The following UNC5D variants were observed in gnomAD, a reference collection of about 807,000 sequenced individuals.
UNC5D encodes unc-5 netrin receptor D, also known as netrin receptor UNC5D.
Under a neutral mutation model 105.4 loss-of-function variants are expected in UNC5D, and 39 were observed. That is an observed-to-expected ratio of 0.37 (90% CI 0.29 to 0.48). UNC5D has a LOEUF of 0.48. Among genes scored for constraint, UNC5D ranks in the 20% least tolerant of loss-of-function variants. The pLI is 0.98. For synonymous variants in UNC5D, 452 were observed against 450.4 expected, an observed-to-expected ratio of 1.00 and a Z score of -0.04; for missense variants, 991 against 1,202.4, an observed-to-expected ratio of 0.82 and a Z score of 2.60.
intron 1 of UNC5D, among the ~76,000 whole-genome samples, chr8:35,288,693 A>T (rs1249805023): frequency 1.3e-5 from 2 of 152,140 alleles, no homozygotes; most frequent in Admixed American, 6.5e-5. Context: ...ACAAATGTAA[A>T]TTTGGACTTC....
chr8:35,318,182 C>T (rs912534030), intron 1 of UNC5D, among the ~76,000 whole-genome samples: 11 of 151,770 alleles, frequency 7.2e-5, no homozygotes, highest in African/African-American at 2.4e-4. Context: ...TCCAACTCTC[C>T]CTAGGTTGGA....
intron 1 of UNC5D, among the ~76,000 whole-genome samples, chr8:35,303,110 A>T (rs1049421427): frequency 2.6e-5 from 4 of 152,086 alleles, no homozygotes; most frequent in Admixed American, 2.6e-4. Flanking sequence ...ATTATTAATG[A>T]GGTATTTTTC....
chr8:35,791,116 G>GATCTA lies in UNC5D; in HGVS notation c.*553_*554insATCTA. On this transcript the variant is annotated 3_prime_UTR_variant, in exon 17 of 17. Transcript: ENST00000404895. Reference sequence around the variant, plus strand: ...TTTAGAATCTGAGCACATCACACCAGCACCAGCTCCCTGTCTCTTCTAGCC... The same window carrying GATCTA: ...TTTAGAATCTGAGCACATCACACCAGATCTACACCAGCTCCCTGTCTCTTCTAGCC... 2 of 169,402 alleles carry GATCTA rather than the reference G, an allele frequency of 1.2e-5. No homozygotes were observed. Among genetic ancestry groups the GATCTA allele is most frequent in the South Asian group, 1.5e-4 (1 of 6,828 alleles). The allele number at this position is 169,402 out of a possible 1,614,324, so 10.5% of individuals were successfully genotyped here.
chr8:35,595,078 C>G (rs1205612037), intron 3 of UNC5D, among the ~76,000 whole-genome samples: 3 of 152,196 alleles, frequency 2.0e-5, no homozygotes, highest in African/African-American at 7.2e-5. Flanking sequence ...TAGGTAATCT[C>G]ACTCTATTAG....
chr8:35,290,496 G>A (rs1222961199), intron 1 of UNC5D, among the ~76,000 whole-genome samples: 1 of 150,868 alleles, frequency 6.6e-6, no homozygotes. Context: ...GTTGGGGAGG[G>A]AGGGAATGAG....
At chr8:35,280,497 G>A (rs1411533473) in intron 1 of UNC5D, among the ~76,000 whole-genome samples, 1 of 152,166 alleles carries the variant, frequency 6.6e-6, no homozygotes, top group Admixed American at 6.5e-5. Context: ...GAGATTCTGT[G>A]TGGGTATTGT....
At chr8:35,420,002 G>T (rs1349813286) in intron 1 of UNC5D, among the ~76,000 whole-genome samples, 1 of 152,090 alleles carries the variant, frequency 6.6e-6, no homozygotes, top group African/African-American at 2.4e-5. Flanking sequence ...CGGAATGGGG[G>T]AGTGCATGCT....
intron 1 of UNC5D, among the ~76,000 whole-genome samples, chr8:35,460,962 T>A (rs1460608004): frequency 2.0e-5 from 3 of 152,234 alleles, no homozygotes; most frequent in African/African-American, 7.2e-5. Flanking sequence ...TCAGGGCGAT[T>A]CTCCTTATTG....
At chr8:35,422,876 T>G (rs111348361) in intron 1 of UNC5D, among the ~76,000 whole-genome samples, 2 of 152,166 alleles carry the variant, frequency 1.3e-5, no homozygotes, top group African/African-American at 4.8e-5. Context: ...CTAGTCTATG[T>G]GTAGTTACAG....
At chr8:35,320,425 A>G (rs1473998555) in intron 1 of UNC5D, among the ~76,000 whole-genome samples, 1 of 152,122 alleles carries the variant, frequency 6.6e-6, no homozygotes, top group African/African-American at 2.4e-5. Context: ...TATCAGACAT[A>G]AAAAGATGCC....
intron 6 of UNC5D, 69 bp from the exon 7 acceptor site, chr8:35,686,476 T>A: frequency 3.4e-6 from 5 of 1,467,064 alleles, no homozygotes; most frequent in Non-Finnish European, 4.5e-6. Context: ...ACAACAGCAG[T>A]CCTGGGGTGA....
In UNC5D at chr8:35,736,570, A is replaced by G. The variant is rs551907625; in HGVS notation, c.1766+5474A>G. 4.7e-3 allele frequency among the ~76,000 whole-genome samples: 721 copies of G among 152,354 alleles called. 3 individuals are homozygous for G. The highest frequency in any genetic ancestry group is 7.5e-3 in the Non-Finnish European group (510 of 68,040). On this transcript the variant is annotated intron_variant, in intron 11 of 16. Transcript: ENST00000404895. ...GATATATTTCATACCATAATAGGTTAAGCCCCATAAGCAAATCCAGTTCTT... is the reference window on the plus strand; with the variant it reads ...GATATATTTCATACCATAATAGGTTGAGCCCCATAAGCAAATCCAGTTCTT...
At chr8:35,369,889 G>A (rs1802329356) in intron 1 of UNC5D, among the ~76,000 whole-genome samples, 1 of 152,096 alleles carries the variant, frequency 6.6e-6, no homozygotes, top group Non-Finnish European at 1.5e-5. Context: ...AAGCAATGGA[G>A]AATTAAACCC....
At chr8:35,547,629 G>A (rs1013922367) in intron 1 of UNC5D, among the ~76,000 whole-genome samples, 2 of 152,218 alleles carry the variant, frequency 1.3e-5, no homozygotes, top group South Asian at 2.1e-4. Flanking sequence ...AATGAATTGG[G>A]TTTACCATTG....
intron 7 of UNC5D, among the ~76,000 whole-genome samples, chr8:35,692,854 CTT>C (rs1184537327): frequency 6.6e-6 from 1 of 152,180 alleles, no homozygotes; most frequent in East Asian, 1.9e-4. Flanking sequence ...TACACAAAGA[CTT>C]TTTCCTAGAA....
At chr8:35,339,695 C>T (rs184843241) in intron 1 of UNC5D, among the ~76,000 whole-genome samples, 2 of 152,250 alleles carry the variant, frequency 1.3e-5, no homozygotes, top group East Asian at 3.9e-4. Context: ...ATCCAGGTTC[C>T]AATGCTCAGC....
chr8:35,310,764 T>C (rs1308907613), intron 1 of UNC5D, among the ~76,000 whole-genome samples: 1 of 152,192 alleles, frequency 6.6e-6, no homozygotes, highest in Non-Finnish European at 1.5e-5. Context: ...AGGATACTAG[T>C]GCCGGTGGAT....
At chr8:35,358,720 G>T (rs1000524372) in intron 1 of UNC5D, among the ~76,000 whole-genome samples, 1 of 152,082 alleles carries the variant, frequency 6.6e-6, no homozygotes, top group Non-Finnish European at 1.5e-5. Flanking sequence ...CTCCTTCAAG[G>T]AGTGTTCCAG....
At chr8:35,365,034 T>A (rs1236862437) in intron 1 of UNC5D, among the ~76,000 whole-genome samples, 1 of 152,194 alleles carries the variant, frequency 6.6e-6, no homozygotes, top group Non-Finnish European at 1.5e-5. Context: ...TTAGTTTCAC[T>A]TGTTTGTAGT....
Sources: gnomAD v4.1 joint callset for allele counts (sites outside exome capture counted in the v4.1 genomes callset) on GRCh38, gnomAD v4.1.1 for gene constraint, MANE v1.5 for transcripts, NCBI Gene and HGNC (gene_info 2026-07-23, HGNC 2026-07-21) for gene names.